TTN: variants seen among roughly 807,000 people sequenced by gnomAD.
TTN encodes titin, also known as connectin.
In TTN, 1,525 loss-of-function variants were observed where a neutral mutation model predicts 3,223.0. The observed-to-expected ratio is 0.47, with a 90% CI of 0.45 to 0.49. TTN has a LOEUF of 0.49. Among genes scored for constraint, TTN ranks in the 20% least tolerant of loss-of-function variants. TTN has a pLI of 0.00. For missense variants in TTN, 40,786 were observed against 43,424.0 expected (o/e 0.94, Z 5.40); for synonymous variants, 14,094 against 15,161.0 (o/e 0.93, Z 5.17).
At position 178,592,135 on chromosome 2, in the gene TTN, C is replaced by G. The variant is rs2050348587; in HGVS notation, c.59769G>C (p.Gln19923His). The G allele has an allele frequency of 6.2e-7, 1 of 1,612,838 alleles. No individual in the cohort carries two copies. Among genetic ancestry groups the G allele is most frequent in the Admixed American group, 1.7e-5 (1 of 59,894 alleles). ...VVERRDVASA[Q>H]WSPLSATSKK... ...TTGATGTAGCTGAGAGAGGTGACCACTGGGCGCTGGCAACATCTCTCCTCT... is the reference window on the plus strand; with the variant it reads ...TTGATGTAGCTGAGAGAGGTGACCAGTGGGCGCTGGCAACATCTCTCCTCT... The change falls in exon 302 of 363, where the codon CAG becomes CAC. Residue 19923 changes from glutamine (Q) to histidine (H), a missense_variant. By Grantham distance (24) the Gln-to-His change is conservative (BLOSUM62 0). Transcript: ENST00000589042.
chr2:178,605,397 A>G lies in TTN; in HGVS notation c.53881+17T>C, dbSNP rs2054545050. The G allele has an allele frequency of 3.2e-6, 5 of 1,559,456 alleles. No homozygotes were observed. The East Asian group carries it at 1.1e-4, about 35-fold the overall frequency. On this transcript the variant is annotated intron_variant, in intron 279 of 362. Coordinates refer to ENST00000589042, the MANE Select transcript of TTN (RefSeq NM_001267550.2). ...TGTAAAATGCATTAAAATTATTATT[A>G]TATTCAGATTCCGCACCTTCATCAT...
intron 13 of TTN, among the ~76,000 whole-genome samples, chr2:178,788,194 G>A (rs772882324): frequency 7.2e-5 from 11 of 151,972 alleles, no homozygotes; most frequent in African/African-American, 1.4e-4. Context: ...ATCTCTTCTC[G>A]AAAAAGATGT....
chr2:178,675,776 T>G, intron 148 of TTN, 22 bp from the exon 149 acceptor site: 3 of 1,489,384 alleles, frequency 2.0e-6, no homozygotes, highest in Non-Finnish European at 2.7e-6. Context: ...TTATTTTATT[T>G]TATAAGTTCA....
Position 178,707,206 on chromosome 2 carries a change from G to A in TTN, c.29042-252C>T, listed in dbSNP as rs188071307. On this transcript the variant is annotated intron_variant, in intron 100 of 362. Coordinates refer to ENST00000589042, the MANE Select transcript of TTN (RefSeq NM_001267550.2). ...TTTAGACTTGGTTTTATTTTTTCCA[G>A]GTGTATCACAACAGCCTACTTTCTA... Among the ~76,000 whole-genome samples the A allele has an allele frequency of 2.1e-3, 326 of 152,166 alleles. 3 individuals are homozygous for A. Among genetic ancestry groups the A allele is most frequent in the African/African-American group, 7.1e-3 (296 of 41,518 alleles).
rs986884075 is a variant in TTN at position 178,573,707 on chromosome 2, A to T, written c.72425T>A (p.Leu24142Gln). ...ATCATCCAGTGGAGGGAACCATGAT[A>T]GTACACACTTTTCTGATGTCACTTC... ...VTEVTSEKCV[L>Q]SWFPPLDDGG... The change falls in exon 326 of 363, where the codon CTA (leucine) becomes CAA (glutamine). Residue 24142 changes from leucine to glutamine, a missense_variant. Coordinates refer to ENST00000589042, the MANE Select transcript of TTN (RefSeq NM_001267550.2). The T allele has an allele frequency of 1.9e-6, 3 of 1,541,674 alleles. No individual in the cohort carries two copies. The highest frequency in any genetic ancestry group is 2.6e-6 in the Non-Finnish European group (3 of 1,145,668).
Position 178,573,552 on chromosome 2 carries a change from T to G in TTN, c.72580A>C (p.Ile24194Leu), listed in dbSNP as rs746396020. 6.7e-7 allele frequency: 1 copy of G among 1,497,510 alleles called. No individual in the cohort carries two copies. Among genetic ancestry groups the G allele is most frequent in the Non-Finnish European group, 8.9e-7 (1 of 1,126,026 alleles). 92.8% of individuals were successfully genotyped at this position (1,497,510 alleles called of 1,614,324 possible). A position where few individuals can be genotyped will look rare whatever the true frequency, so the allele number is the denominator to read the frequency against. ...VTKLLKGNEY[I>L]FRVMAVNKYG... ...TTATTTACAGCCATGACACGGAATA[T>G]GTATTCATTGCCTTTCAAGAGTTTA... is the stretch of plus-strand genomic sequence containing the variant. Residue 24194 changes from isoleucine (I) to leucine (L), a missense_variant, in exon 326 of 363, where the codon ATA becomes CTA. Coordinates refer to ENST00000589042, the MANE Select transcript of TTN (RefSeq NM_001267550.2).
In TTN at chr2:178,565,364, G is replaced by T. The variant is rs2154164717; in HGVS notation, c.80768C>A (p.Thr26923Lys). ...TGTTTCTTCAACGTTTACTCTTGTTGTCTGTTTAAGAGGCTCACCATCTTT... is the reference window on the plus strand; with the variant it reads ...TGTTTCTTCAACGTTTACTCTTGTTTTCTGTTTAAGAGGCTCACCATCTTT... ...WVKDGEPLKQ[T>K]TRVNVEETAT... is the part of the protein sequence containing the mutation. Residue 26923 changes from threonine to lysine, a missense_variant, in exon 326 of 363, where the codon ACA (threonine) becomes AAA (lysine). By Grantham distance (78) the Thr-to-Lys change is moderately conservative. Transcript: ENST00000589042. 1 of 1,613,548 alleles carries T rather than the reference G, an allele frequency of 6.2e-7. No homozygotes were observed. The highest frequency in any genetic ancestry group is 1.1e-5 in the South Asian group (1 of 91,072).
rs545144423 is a variant in TTN at position 178,776,026 on chromosome 2, C to T, written c.5838G>A (p.Arg1946=). The part of the protein sequence containing the change: ...RSVLRRAPEP[R]PEFHVHEPGK... Reference sequence around the variant, plus strand: ...CTGGTTCATGTACGTGAAACTCAGGCCTTGGTTCAGGAGCTCTCCTAAGGA... The same window carrying T: ...CTGGTTCATGTACGTGAAACTCAGGTCTTGGTTCAGGAGCTCTCCTAAGGA... Residue 1946 remains arginine (R), a synonymous_variant, in exon 28 of 363, where the codon AGG becomes AGA. Coordinates refer to ENST00000589042, the MANE Select transcript of TTN (RefSeq NM_001267550.2). 1 of 1,614,132 alleles carries T rather than the reference C, an allele frequency of 6.2e-7. No homozygotes were observed. Among genetic ancestry groups the T allele is most frequent in the South Asian group, 1.1e-5 (1 of 91,084 alleles).
rs1559343682 is a variant in TTN, at chr2:178,565,682, A to G, written c.80450T>C (p.Val26817Ala). The change falls in exon 326 of 363, where the codon GTT becomes GCT. Residue 26817 changes from valine (V) to alanine (A), a missense_variant. By Grantham distance (64) the Val-to-Ala change is moderately conservative (BLOSUM62 0). Coordinates refer to ENST00000589042, the MANE Select transcript of TTN (RefSeq NM_001267550.2). ...DGGSRVLGYV[V>A]EMQPKGTEKW... Reference sequence around the variant, plus strand: ...TTCAGTTCCTTTGGGCTGCATTTCAACAACGTACCCCAGGACTCTGCTACC... The same window carrying G: ...TTCAGTTCCTTTGGGCTGCATTTCAGCAACGTACCCCAGGACTCTGCTACC... 1 of 1,613,610 alleles carries G rather than the reference A, an allele frequency of 6.2e-7. No individual in the cohort carries two copies. The highest frequency in any genetic ancestry group is 8.5e-7 in the Non-Finnish European group (1 of 1,179,644).
chr2:178,712,416 A>G lies in TTN; in HGVS notation c.27506T>C (p.Leu9169Pro), dbSNP rs769078430. ...CTCTACTGTGCTACTTGGAATTTCC[A>G]GGATTGCCGATTTTTCAGTCGTAGT... is the stretch of plus-strand genomic sequence containing the variant. Reference protein sequence around the residue: ...NITTTEKSAILEIPSSTVEDA... With the variant: ...NITTTEKSAIPEIPSSTVEDA... The change falls in exon 95 of 363, where the codon CTG (leucine) becomes CCG (proline). Residue 9169 changes from leucine to proline, a missense_variant. Coordinates refer to ENST00000589042, the MANE Select transcript of TTN (RefSeq NM_001267550.2). The G allele has an allele frequency of 1.2e-6, 2 of 1,613,846 alleles. No homozygotes were observed. The highest frequency in any genetic ancestry group is 1.7e-6 in the Non-Finnish European group (2 of 1,179,814).
chr2:178,739,498 ACTC>A lies in TTN; in HGVS notation c.13732_13734del (p.Glu4578del), dbSNP rs752291863. 1 of 1,613,378 alleles carries A rather than the reference ACTC, an allele frequency of 6.2e-7. No individual in the cohort carries two copies. The highest frequency in any genetic ancestry group is 1.1e-5 in the South Asian group (1 of 91,054). ...TCCTCAGTACCACTTTCAGAGGAAGACTCCTCTTTTTCCTCTGATGGTTTCAGA... is the reference window on the plus strand; with the variant it reads ...TCCTCAGTACCACTTTCAGAGGAAGACTCTTTTTCCTCTGATGGTTTCAGA... On this transcript the variant is annotated inframe_deletion, in exon 48 of 363. Coordinates refer to ENST00000589042, the MANE Select transcript of TTN (RefSeq NM_001267550.2).
Position 178,562,587 on chromosome 2 carries a change from C to G in TTN, c.83545G>C (p.Gly27849Arg), listed in dbSNP as rs1704096127. Residue 27849 changes from glycine (G) to arginine (R), a missense_variant, in exon 326 of 363, where the codon GGT (glycine) becomes CGT (arginine). Transcript: ENST00000589042. ...RVLASNEYGI[G>R]LPAETTEPVK... ...GGTTCTGTTGTTTCAGCTGGCAAAC[C>G]AATCCCATATTCATTGGAAGCCAAG... is the stretch of plus-strand genomic sequence containing the variant. 1.2e-6 allele frequency: 2 copies of G among 1,610,998 alleles called. No homozygotes were observed. Among genetic ancestry groups the G allele is most frequent in the Non-Finnish European group, 8.5e-7 (1 of 1,178,794 alleles).
chr2:178,752,138 T>G, intron 47 of TTN: 290 of 961,112 alleles, frequency 3.0e-4, no homozygotes, highest in Non-Finnish European at 4.2e-4. Context: ...AATTGCATGC[T>G]ACAGATCTCA....
At chr2:178,688,304 A>G in intron 126 of TTN, 80 bp from the exon 127 acceptor site, 1 of 1,244,152 alleles carries the variant, frequency 8.0e-7, no homozygotes, top group Non-Finnish European at 1.2e-6. Context: ...CTACAGATGG[A>G]TAACTGTTCT....
Position 178,567,763 on chromosome 2 carries a change from G to A in TTN, c.78369C>T (p.Tyr26123=), listed in dbSNP as rs1267698127. The A allele has an allele frequency of 6.2e-7, 1 of 1,613,260 alleles. No individual in the cohort carries two copies. Among genetic ancestry groups the A allele is most frequent in the Non-Finnish European group, 8.5e-7 (1 of 1,179,556 alleles). The change falls in exon 326 of 363, where the codon TAC becomes TAT. Residue 26123 remains tyrosine (Y), a synonymous_variant. Coordinates refer to ENST00000589042, the MANE Select transcript of TTN (RefSeq NM_001267550.2). ...CAGGCAAATCACGTTTCTCTACAATGTAGCCTGTAATCATACTTCCACCAT... is the reference window on the plus strand; with the variant it reads ...CAGGCAAATCACGTTTCTCTACAATATAGCCTGTAATCATACTTCCACCAT... ...VYDGGSMITG[Y]IVEKRDLPDG... is the part of the protein sequence containing the mutation.
rs139992576 is a variant in TTN at position 178,766,572 on chromosome 2, T to C, written c.9512A>G (p.Asn3171Ser). 8.7e-5 allele frequency: 141 copies of C among 1,614,086 alleles called. No homozygotes were observed. The highest frequency in any genetic ancestry group is 1.7e-4 in the Middle Eastern group (1 of 6,060). The change falls in exon 41 of 363, where the codon AAT (asparagine) becomes AGT (serine). Residue 3171 changes from asparagine to serine, a missense_variant. Physicochemically the swap from Asn to Ser is conservative, Grantham distance 46. Coordinates refer to ENST00000589042, the MANE Select transcript of TTN (RefSeq NM_001267550.2). ...CCAGTGGGCATCAACATCGTCTTCATTGACCTCAAATTCAACAACAGCACG... is the reference window on the plus strand; with the variant it reads ...CCAGTGGGCATCAACATCGTCTTCACTGACCTCAAATTCAACAACAGCACG... ...KQRAVVEFEVNEDDVDAHWYK... is the reference protein window; with the variant it reads ...KQRAVVEFEVSEDDVDAHWYK...
At position 178,535,636 on chromosome 2, in the gene TTN, T is replaced by C. The variant is rs1309484886; in HGVS notation, c.100979A>G (p.Glu33660Gly). 6.2e-7 allele frequency: 1 copy of C among 1,613,846 alleles called. No homozygotes were observed. The highest frequency in any genetic ancestry group is 8.5e-7 in the Non-Finnish European group (1 of 1,179,784). The change falls in exon 358 of 363, where the codon GAG becomes GGG. Residue 33660 changes from glutamate (E) to glycine (G), a missense_variant. Transcript: ENST00000589042. ...FTSLVFPNGV[E>G]RKDAGFYVVC... is the part of the protein sequence containing the mutation. ...CACATAGAAACCAGCATCTTTTCTC[T>C]CTACCCCATTGGGGAAAACAAGTGA...
rs2077644291 is a variant in TTN, at chr2:178,717,400, C to A, written c.25352-18G>T. On this transcript the variant is annotated intron_variant, in intron 87 of 362. Coordinates refer to ENST00000589042, the MANE Select transcript of TTN (RefSeq NM_001267550.2). ...TTCATGCTCTGAAAAGAATGAAGAC[C>A]AACATGGTGATTTTTATTTCCATGC... is the stretch of plus-strand genomic sequence containing the variant. The A allele has an allele frequency of 3.1e-6, 5 of 1,591,368 alleles. No individual in the cohort carries two copies. The highest frequency in any genetic ancestry group is 4.3e-6 in the Non-Finnish European group (5 of 1,167,120).
In TTN at chr2:178,634,616, G is replaced by T; in HGVS notation, c.42165C>A (p.Asp14055Glu). ...AILTVKEIEL[D>E]FAVPLKDVTV... ...TGACATCCTTCAGGGGCACAGCAAA[G>T]TCAAGTTCGATTTCTGAAAATCAGA... The change falls in exon 230 of 363, where the codon GAC (aspartate) becomes GAA (glutamate). Residue 14055 changes from aspartate to glutamate, a missense_variant. Coordinates refer to ENST00000589042, the MANE Select transcript of TTN (RefSeq NM_001267550.2). This position sits in a 1 kb window ranked among gnomAD's most constrained non-coding sequence, Gnocchi z 4.6. 1 of 1,613,106 alleles carries T rather than the reference G, an allele frequency of 6.2e-7. No individual in the cohort carries two copies. Among genetic ancestry groups the T allele is most frequent in the Non-Finnish European group, 8.5e-7 (1 of 1,179,462 alleles).
Sources: allele counts gnomAD v4.1 joint callset (sites outside exome capture counted in the v4.1 genomes callset), GRCh38; gene constraint gnomAD v4.1.1; non-coding constraint Gnocchi (gnomAD v3.1); transcripts MANE v1.5; gene names NCBI Gene and HGNC (gene_info 2026-07-23, HGNC 2026-07-21).